The following VAC14 variants were observed in gnomAD, a reference collection of about 807,000 sequenced individuals.
The protein encoded by VAC14 is protein VAC14 homolog.
Under a neutral mutation model 85.3 loss-of-function variants are expected in VAC14, and 47 were observed. That is an observed-to-expected ratio of 0.55 (90% confidence interval 0.44 to 0.70). The LOEUF (loss-of-function observed/expected upper bound fraction) is 0.70, where lower values mean the gene tolerates loss of function less well. VAC14 is among the 30% of genes least tolerant of loss of function. The probability of loss-of-function intolerance (pLI) is 0.00; values close to 1 mark genes in which losing one functional copy is unlikely to be tolerated. For missense variants in VAC14, 861 were observed against 1,004.3 expected (o/e 0.86, Z 1.93); for synonymous variants, 447 against 430.5 (o/e 1.04, Z -0.47).
intron 13 of VAC14, among the ~76,000 whole-genome samples, chr16:70,740,383 G>T (rs1229994562): frequency 1.3e-5 from 2 of 152,214 alleles, no homozygotes; most frequent in African/African-American, 4.8e-5. Flanking sequence ...ACATTACTGT[G>T]CATGGCTAAG....
At chr16:70,690,162 C>G (rs2053571409) in intron 18 of VAC14, 1 of 985,580 alleles carries the variant, frequency 1.0e-6, no homozygotes, top group African/African-American at 1.7e-5. Flanking sequence ...TGGGCCACAT[C>G]TGCTCCCTGG....
chr16:70,757,116 A>G (rs573018606), intron 12 of VAC14, among the ~76,000 whole-genome samples: 1 of 152,312 alleles, frequency 6.6e-6, no homozygotes, highest in Non-Finnish European at 1.5e-5. Flanking sequence ...ACTCTTCTCC[A>G]AAGTGTTAAG....
chr16:70,767,661 A>C (rs772502421), intron 10 of VAC14, among the ~76,000 whole-genome samples: 1 of 152,224 alleles, frequency 6.6e-6, no homozygotes. Flanking sequence ...AGTTAAATGC[A>C]CGGGCTCTGG....
intron 1 of VAC14, among the ~76,000 whole-genome samples, chr16:70,797,316 G>A (rs2034588166): frequency 6.6e-6 from 1 of 152,058 alleles, no homozygotes; most frequent in Admixed American, 6.5e-5. Context: ...TCTGGTTAGG[G>A]TTACATTGGG....
At chr16:70,766,178 A>G (rs1167539976) in intron 10 of VAC14, among the ~76,000 whole-genome samples, 3 of 151,598 alleles carry the variant, frequency 2.0e-5, no homozygotes, top group Non-Finnish European at 4.4e-5. Flanking sequence ...AAAAAGAAAA[A>G]CAAGGGGAGG....
intron 13 of VAC14, among the ~76,000 whole-genome samples, chr16:70,732,815 T>A (rs1210572719): frequency 6.6e-6 from 1 of 151,922 alleles, no homozygotes; most frequent in African/African-American, 2.4e-5. Context: ...TTAATTTTTG[T>A]AATTTTTTTT....
chr16:70,777,541 C>T (rs941732738), intron 9 of VAC14, among the ~76,000 whole-genome samples: 2 of 152,148 alleles, frequency 1.3e-5, no homozygotes, highest in African/African-American at 4.8e-5. Context: ...AGGCTGGACA[C>T]GCAAAGTGCC....
Position 70,786,224 on chromosome 16 carries a change from T to C in VAC14, c.246A>G (p.Ala82=), listed in dbSNP as rs1266009953. 3.7e-6 allele frequency: 6 copies of C among 1,614,086 alleles called. No individual in the cohort carries two copies. The highest frequency in any genetic ancestry group is 2.2e-5 in the East Asian group (1 of 44,878). Reference sequence around the variant, plus strand: ...TGGGTGAAAGGCCCACCTTGCCCAGTGCGATGGAGCAGGCGGCCAGGCCGA... The same window carrying C: ...TGGGTGAAAGGCCCACCTTGCCCAGCGCGATGGAGCAGGCGGCCAGGCCGA... ...GLIGLAACSI[A]LGKDSGLYLK... is the part of the protein sequence containing the mutation. Residue 82 remains alanine, a synonymous_variant, in exon 2 of 19, where the codon GCA becomes GCG. Coordinates refer to ENST00000261776, the MANE Select transcript of VAC14 (RefSeq NM_018052.5).
intron 7 of VAC14, 37 bp from the exon 8 acceptor site, chr16:70,782,040 C>T: frequency 6.2e-7 from 1 of 1,605,134 alleles, no homozygotes; most frequent in Middle Eastern, 1.8e-4. Context: ...GGGGCCAGCA[C>T]ACGCAGCCCG....
intron 1 of VAC14, among the ~76,000 whole-genome samples, chr16:70,795,923 TGGCA>T (rs1453787237): frequency 6.6e-6 from 1 of 152,200 alleles, no homozygotes. Context: ...CCATGATGCC[TGGCA>T]GAGCGAGCAC....
chr16:70,778,741 T>C (rs995844522), intron 9 of VAC14: 2 of 152,216 alleles, frequency 1.3e-5, no homozygotes, highest in African/African-American at 4.8e-5. Flanking sequence ...TAACTACGTA[T>C]ATATATTAAA....
In VAC14 at chr16:70,744,441, C is replaced by G. The variant is rs371294187; in HGVS notation, c.1510G>C (p.Gly504Arg). The G allele has an allele frequency of 6.2e-7, 1 of 1,614,026 alleles. No homozygotes were observed. Among genetic ancestry groups the G allele is most frequent in the Admixed American group, 1.7e-5 (1 of 60,012 alleles). Residue 504 changes from glycine (G) to arginine (R), a missense_variant, in exon 13 of 19, where the codon GGC (glycine) becomes CGC (arginine). Gly to Arg is a moderately radical substitution (Grantham distance 125). Transcript: ENST00000261776. Reference protein sequence around the residue: ...ELQVPTPGRAGLLNTSGTKGL... With the variant: ...ELQVPTPGRARLLNTSGTKGL... The stretch of plus-strand genomic sequence containing the variant: ...GACTTACCAGAGGTGTTCAGTAGGC[C>G]GGCTCTGCCAGGGGTGGGCACCTGG...
At chr16:70,706,965 C>T (rs931495288) in intron 14 of VAC14, among the ~76,000 whole-genome samples, 3 of 152,084 alleles carry the variant, frequency 2.0e-5, no homozygotes, top group Non-Finnish European at 4.4e-5. Context: ...AGGCCTGGAC[C>T]GCTCCCACCG....
intron 14 of VAC14, among the ~76,000 whole-genome samples, chr16:70,722,173 C>T (rs2054310174): frequency 6.6e-6 from 1 of 152,252 alleles, no homozygotes; most frequent in Non-Finnish European, 1.5e-5. Flanking sequence ...CAGAAAACTC[C>T]CTCATCCACT....
At chr16:70,691,575 C>T (rs2053596830) in intron 18 of VAC14, 1 of 985,384 alleles carries the variant, frequency 1.0e-6, no homozygotes, top group South Asian at 4.7e-5. Flanking sequence ...CAGGTGCTGT[C>T]TTCTGGGGAC....
intron 14 of VAC14, among the ~76,000 whole-genome samples, chr16:70,723,860 G>T (rs1307672572): frequency 6.6e-6 from 1 of 152,246 alleles, no homozygotes; most frequent in Non-Finnish European, 1.5e-5. Context: ...CACCGAGGAG[G>T]GGAGCTTTCC....
At chr16:70,764,041 C>T (rs1453884520) in intron 10 of VAC14, among the ~76,000 whole-genome samples, 1 of 152,228 alleles carries the variant, frequency 6.6e-6, no homozygotes, top group African/African-American at 2.4e-5. Context: ...GATCAGTCCC[C>T]TGCCGGTATA....
chr16:70,761,272 C>G (rs906945927), intron 12 of VAC14: 2 of 403,028 alleles, frequency 5.0e-6, no homozygotes, highest in Admixed American at 2.8e-5. Context: ...AGCAATAGCC[C>G]TCTCCCATCC....
At chr16:70,732,669 G>A (rs1392153538) in intron 13 of VAC14, among the ~76,000 whole-genome samples, 2 of 150,666 alleles carry the variant, frequency 1.3e-5, no homozygotes, top group Non-Finnish European at 3.0e-5. Context: ...TAAAGACTGA[G>A]TCTTGGTTTG....
Sources: allele counts gnomAD v4.1 joint callset (sites outside exome capture counted in the v4.1 genomes callset), GRCh38; gene constraint gnomAD v4.1.1; transcripts MANE v1.5; gene names NCBI Gene and HGNC (gene_info 2026-07-23, HGNC 2026-07-21).